ABCA4: variants seen among roughly 807,000 people sequenced by gnomAD.
ABCA4 encodes ATP binding cassette subfamily A member 4.
ABCA4 carries 196 observed loss-of-function variants against 263.7 expected under a neutral mutation model. That is an observed-to-expected ratio of 0.74 (90% CI 0.66 to 0.84). The LOEUF (loss-of-function observed/expected upper bound fraction) is 0.84, where lower values mean the gene tolerates loss of function less well. ABCA4 is among the 40% of genes least tolerant of loss of function. The pLI, the probability that ABCA4 is intolerant of heterozygous loss-of-function variation, is 0.00. For synonymous variants in ABCA4, 1,133 were observed against 1,094.2 expected (o/e 1.04, Z -0.70); for missense variants, 2,792 against 2,855.1 (o/e 0.98, Z 0.50).
Position 94,111,427 on chromosome 1 carries a change from T to C in ABCA4, c.302+11A>G. On this transcript the variant is annotated intron_variant, in intron 3 of 49. Coordinates refer to ENST00000370225, the MANE Select transcript of ABCA4 (RefSeq NM_000350.3). The stretch of plus-strand genomic sequence containing the variant: ...CTTCCTCCCCTGCATGGTAGGGATC[T>C]CAACACTTACATGGAGTTGTTATAG... 1 of 1,613,764 alleles carries C rather than the reference T, an allele frequency of 6.2e-7. No individual in the cohort carries two copies. The highest frequency in any genetic ancestry group is 8.5e-7 in the Non-Finnish European group (1 of 1,179,890).
At chr1:94,003,106 A>C (rs1344344445) in intron 44 of ABCA4, among the ~76,000 whole-genome samples, 1 of 152,204 alleles carries the variant, frequency 6.6e-6, no homozygotes, top group Admixed American at 6.5e-5. Context: ...CTCTTACATA[A>C]CCACAGTACA....
chr1:94,015,520 T>C (rs1361521487), intron 37 of ABCA4, among the ~76,000 whole-genome samples: 1 of 152,194 alleles, frequency 6.6e-6, no homozygotes, highest in Non-Finnish European at 1.5e-5. Flanking sequence ...TCATTGTCAC[T>C]GACAGGACCA....
In ABCA4 at chr1:94,015,740, C is replaced by T. The variant is rs374015407; in HGVS notation, c.5311G>A (p.Gly1771Arg). ...PALVALLLLYGWAVIPMMYPA... is the reference protein window; with the variant it reads ...PALVALLLLYRWAVIPMMYPA... ...TAGCTAATGGCCCAAACGGCTTACCCATACAGCAGGAGCAGTGCCACAAGG... is the reference window on the plus strand; with the variant it reads ...TAGCTAATGGCCCAAACGGCTTACCTATACAGCAGGAGCAGTGCCACAAGG... The change falls in exon 37 of 50, where the codon GGA becomes AGA. Residue 1771 changes from glycine (G) to arginine (R), a missense_variant and splice_region_variant. By Grantham distance (125) the Gly-to-Arg change is moderately radical. Transcript: ENST00000370225. 6.2e-7 allele frequency: 1 copy of T among 1,613,378 alleles called. No individual in the cohort carries two copies. Among genetic ancestry groups the T allele is most frequent in the Non-Finnish European group, 8.5e-7 (1 of 1,179,540 alleles).
intron 22 of ABCA4, 98 bp from the exon 23 acceptor site, chr1:94,041,500 A>T: frequency 1.5e-6 from 2 of 1,333,780 alleles, no homozygotes; most frequent in Non-Finnish European, 2.1e-6. Flanking sequence ...AGTTGCAAAA[A>T]TCAGGAGTTA....
rs141395755 is a variant in ABCA4 at position 94,025,004 on chromosome 1, C to T, written c.4584G>A (p.Arg1528=). ...TTTTTACCAAGAAGTCGGAGATGTT[C>T]CTGTCCGTCAGGTCTTGTAGAATTT... ...STEILQDLTD[R]NISDFLVKTY... Residue 1528 remains arginine, a synonymous_variant, in exon 31 of 50, where the codon AGG becomes AGA. Coordinates refer to ENST00000370225, the MANE Select transcript of ABCA4 (RefSeq NM_000350.3). 1 of 1,614,074 alleles carries T rather than the reference C, an allele frequency of 6.2e-7. No homozygotes were observed. The highest frequency in any genetic ancestry group is 8.5e-7 in the Non-Finnish European group (1 of 1,180,042).
intron 11 of ABCA4, among the ~76,000 whole-genome samples, chr1:94,076,377 G>T (rs1024956131): frequency 3.9e-5 from 6 of 152,212 alleles, no homozygotes; most frequent in African/African-American, 1.2e-4. Flanking sequence ...GAGTAGAAAA[G>T]TGAGGTGGAA....
intron 38 of ABCA4, among the ~76,000 whole-genome samples, chr1:94,013,522 C>T (rs926846405): frequency 6.6e-6 from 1 of 152,170 alleles, no homozygotes; most frequent in African/African-American, 2.4e-5. Flanking sequence ...GGTTGAGGCG[C>T]CTGGGGACAC....
chr1:94,084,045 C>G (rs901494742), intron 6 of ABCA4, among the ~76,000 whole-genome samples: 2 of 152,242 alleles, frequency 1.3e-5, no homozygotes, highest in African/African-American at 4.8e-5. Context: ...AACCCCAGCC[C>G]ATGTGAACTC....
intron 6 of ABCA4, among the ~76,000 whole-genome samples, chr1:94,098,569 T>C (rs964839530): frequency 7.2e-5 from 11 of 152,150 alleles, no homozygotes; most frequent in African/African-American, 2.7e-4. Context: ...GACACAAACA[T>C]GCCACAGCCA....
intron 1 of ABCA4, among the ~76,000 whole-genome samples, chr1:94,116,493 A>G (rs1344692545): frequency 1.3e-5 from 2 of 152,070 alleles, no homozygotes; most frequent in African/African-American, 2.4e-5. Flanking sequence ...GTTGGTTGGT[A>G]ATCTTTGAAA....
At chr1:94,096,738 A>G (rs142217164) in intron 6 of ABCA4, among the ~76,000 whole-genome samples, 113 of 152,334 alleles carry the variant, frequency 7.4e-4, no homozygotes, top group African/African-American at 2.7e-3. Flanking sequence ...TCTGGCATTG[A>G]CATCCCAGAA....
intron 40 of ABCA4, chr1:94,010,572 A>G (rs916142878): frequency 3.6e-5 from 24 of 672,148 alleles, no homozygotes; most frequent in Non-Finnish European, 6.2e-5. Context: ...AATTGAAATT[A>G]ATAGCACTGC....
At chr1:94,118,782 G>C (rs1307009977) in intron 1 of ABCA4, among the ~76,000 whole-genome samples, 1 of 152,224 alleles carries the variant, frequency 6.6e-6, no homozygotes, top group Non-Finnish European at 1.5e-5. Flanking sequence ...GAGTCCCTGA[G>C]CAGGAGTCGC....
chr1:94,100,330 T>C (rs1368846758), intron 5 of ABCA4, among the ~76,000 whole-genome samples: 1 of 152,198 alleles, frequency 6.6e-6, no homozygotes, highest in African/African-American at 2.4e-5. Flanking sequence ...CCCTTCCAAG[T>C]GTTCACATAT....
At chr1:94,032,154 C>T in intron 26 of ABCA4, 111 bp from the exon 27 acceptor site, 2 of 1,282,854 alleles carry the variant, frequency 1.6e-6, no homozygotes, top group Non-Finnish European at 2.2e-6. Flanking sequence ...TTTAAGTCAG[C>T]AATGAAATAC....
chr1:94,107,490 C>T (rs3789431), intron 4 of ABCA4, among the ~76,000 whole-genome samples: 48,962 of 152,176 alleles, frequency 0.32, 9,001 homozygotes, highest in Admixed American at 0.43. Flanking sequence ...AACACCCACT[C>T]ACACTTTGTA....
intron 6 of ABCA4, among the ~76,000 whole-genome samples, chr1:94,084,275 C>G (rs1156491089): frequency 6.6e-6 from 1 of 152,242 alleles, no homozygotes; most frequent in Non-Finnish European, 1.5e-5. Flanking sequence ...TTTTCCAACT[C>G]AAGTGTGCTT....
intron 6 of ABCA4, among the ~76,000 whole-genome samples, chr1:94,088,740 C>T (rs1027172945): frequency 6.6e-6 from 1 of 152,108 alleles, no homozygotes; most frequent in Non-Finnish European, 1.5e-5. Flanking sequence ...ATCTGAAAGG[C>T]TACTTTAGGA....
chr1:94,062,805 C>T (rs534440025), intron 12 of ABCA4, 52 bp from the exon 13 acceptor site: 29 of 1,581,016 alleles, frequency 1.8e-5, no homozygotes, highest in Admixed American at 3.4e-5. Flanking sequence ...ATAGCTCACT[C>T]ACACCTCCCG....
Sources: gnomAD v4.1 joint callset for allele counts (sites outside exome capture counted in the v4.1 genomes callset) on GRCh38, gnomAD v4.1.1 for gene constraint, MANE v1.5 for transcripts, NCBI Gene and HGNC (gene_info 2026-07-23, HGNC 2026-07-21) for gene names.